The following CSMD1 variants were observed in gnomAD, a reference collection of about 807,000 sequenced individuals.
CSMD1 encodes the protein CUB and sushi domain-containing protein 1.
A neutral mutation model predicts 417.5 loss-of-function variants in CSMD1; 213 were observed. The ratio of observed to expected loss-of-function variants is 0.51; its 90% CI spans 0.46 to 0.57. CSMD1 has a LOEUF of 0.57. Ranked by LOEUF, CSMD1 falls within the 20% of genes least tolerant of loss-of-function variation. The pLI, the probability that CSMD1 is intolerant of heterozygous loss-of-function variation, is 0.00. For missense variants in CSMD1, 6,923 were observed against 4,529.7 expected, an observed-to-expected ratio of 1.53 and a Z score of -15.17; for synonymous variants, 2,862 against 1,736.8, an observed-to-expected ratio of 1.65 and a Z score of -16.11.
At chr8:3,981,862 T>C (rs940987845) in intron 5 of CSMD1, among the ~76,000 whole-genome samples, 24 of 152,094 alleles carry the variant, frequency 1.6e-4, no homozygotes, top group Non-Finnish European at 3.1e-4. Context: ...CAGGGAGTAA[T>C]GCAGCTTTAT....
intron 59 of CSMD1, among the ~76,000 whole-genome samples, chr8:2,963,716 G>C (rs1476143612): frequency 6.6e-6 from 1 of 152,124 alleles, no homozygotes; most frequent in Non-Finnish European, 1.5e-5. Flanking sequence ...TTTTATGATG[G>C]TTACCAAAGA....
chr8:4,778,798 G>C (rs973256558), intron 1 of CSMD1, among the ~76,000 whole-genome samples: 17 of 152,114 alleles, frequency 1.1e-4, no homozygotes, highest in African/African-American at 3.9e-4. Flanking sequence ...ACTTCATTAG[G>C]GCTGCTTAGA....
intron 2 of CSMD1, among the ~76,000 whole-genome samples, chr8:4,446,562 T>C (rs1197107996): frequency 6.6e-6 from 1 of 152,062 alleles, no homozygotes; most frequent in Non-Finnish European, 1.5e-5. Context: ...TGTTTTGTTT[T>C]GTTGTGGGGA....
In CSMD1 at chr8:4,342,933, C is replaced by A. The variant is rs374372040; in HGVS notation, c.415+77020G>T. On this transcript the variant is annotated intron_variant, in intron 3 of 69. Coordinates refer to ENST00000635120, the MANE Select transcript of CSMD1 (RefSeq NM_033225.6). Reference sequence around the variant, plus strand: ...AGAGAATTCCAAGATATGCTGCACACTGATCTGTAAGTTTCAGACTCTGAC... The same window carrying A: ...AGAGAATTCCAAGATATGCTGCACAATGATCTGTAAGTTTCAGACTCTGAC... Among the ~76,000 whole-genome samples the A allele has an allele frequency of 2.0e-5, 3 of 152,190 alleles. No individual in the cohort carries two copies. The East Asian group carries it at 5.8e-4, about 30-fold the overall frequency.
intron 33 of CSMD1, among the ~76,000 whole-genome samples, chr8:3,195,260 G>T (rs1456501615): frequency 3.3e-5 from 5 of 152,114 alleles, no homozygotes; most frequent in Non-Finnish European, 7.3e-5. Context: ...GAGAAGACAG[G>T]GCAGGGTGGG....
chr8:3,648,167 C>T (rs925448678), intron 7 of CSMD1, among the ~76,000 whole-genome samples: 3 of 152,196 alleles, frequency 2.0e-5, no homozygotes, highest in African/African-American at 7.2e-5. Flanking sequence ...ACTTCTCTAC[C>T]ATATCTTAAA....
Position 3,965,894 on chromosome 8 carries a change from G to C in CSMD1, c.818+32009C>G, listed in dbSNP as rs146000614. ...GGCCTTTTGAAGTGCTAGGACTACA[G>C]GTATGAGCCACCATGCCCGGCCAAT... On this transcript the variant is annotated intron_variant, in intron 5 of 69. Transcript: ENST00000635120. Among the ~76,000 whole-genome samples the C allele has an allele frequency of 2.6e-3, 401 of 152,242 alleles. 3 individuals are homozygous for C. The highest frequency in any genetic ancestry group is 8.7e-3 in the African/African-American group (360 of 41,540).
chr8:4,516,581 G>C (rs983480433), intron 2 of CSMD1, among the ~76,000 whole-genome samples: 16 of 152,116 alleles, frequency 1.1e-4, no homozygotes, highest in African/African-American at 3.9e-4. Context: ...CTCTGGAAGA[G>C]CTTGTGTTGT....
intron 1 of CSMD1, among the ~76,000 whole-genome samples, chr8:4,819,935 T>A (rs1269213834): frequency 1.3e-5 from 2 of 152,194 alleles, no homozygotes; most frequent in African/African-American, 4.8e-5. Flanking sequence ...ATAAGTAATT[T>A]TTGAAATATC....
intron 1 of CSMD1, among the ~76,000 whole-genome samples, chr8:4,775,530 C>T (rs17071280): frequency 6.6e-6 from 1 of 151,986 alleles, no homozygotes; most frequent in Non-Finnish European, 1.5e-5. Context: ...GGGTTCCTAT[C>T]AGAAGGACCA....
chr8:4,286,329 C>G (rs1797053767), intron 3 of CSMD1, among the ~76,000 whole-genome samples: 1 of 152,060 alleles, frequency 6.6e-6, no homozygotes, highest in Non-Finnish European at 1.5e-5. Context: ...TTGGAACATT[C>G]TTTTATTTTT....
chr8:4,339,484 C>A (rs980811960), intron 3 of CSMD1, among the ~76,000 whole-genome samples: 1 of 152,056 alleles, frequency 6.6e-6, no homozygotes, highest in East Asian at 1.9e-4. Flanking sequence ...GATACTGGAG[C>A]TGAGTGACAA....
Position 4,471,419 on chromosome 8 carries a change from C to T in CSMD1, c.303-51354G>A, listed in dbSNP as rs544041726. Among the ~76,000 whole-genome samples the T allele has an allele frequency of 1.8e-3, 278 of 152,120 alleles. 2 individuals carry two copies. Among genetic ancestry groups the T allele is most frequent in the Middle Eastern group, 6.8e-3 (2 of 294 alleles). On this transcript the variant is annotated intron_variant, in intron 2 of 69. Coordinates refer to ENST00000635120, the MANE Select transcript of CSMD1 (RefSeq NM_033225.6). Reference sequence around the variant, plus strand: ...CAAGGTTCCTATACAGGTAGATTACCCAAGTGCAGCACGTAGCTGTCAGCA... The same window carrying T: ...CAAGGTTCCTATACAGGTAGATTACTCAAGTGCAGCACGTAGCTGTCAGCA...
chr8:4,217,432 A>G (rs528349101), intron 3 of CSMD1, among the ~76,000 whole-genome samples: 2 of 152,168 alleles, frequency 1.3e-5, no homozygotes, highest in East Asian at 1.9e-4. Context: ...TAATGGTGAT[A>G]TAAGACACGT....
intron 37 of CSMD1, among the ~76,000 whole-genome samples, chr8:3,178,721 G>T (rs1821097900): frequency 6.6e-6 from 1 of 152,050 alleles, no homozygotes; most frequent in Non-Finnish European, 1.5e-5. Context: ...CTGGCATAGA[G>T]TAAGCGTCTA....
At chr8:3,283,634 A>G (rs1157754405) in intron 26 of CSMD1, among the ~76,000 whole-genome samples, 3 of 152,288 alleles carry the variant, frequency 2.0e-5, no homozygotes, top group South Asian at 4.1e-4. Context: ...AGCAGGGCAT[A>G]GAATAATTCT....
chr8:3,452,706 T>G (rs10087714), intron 12 of CSMD1, among the ~76,000 whole-genome samples: 109,444 of 152,000 alleles, frequency 0.72, 39,814 homozygotes, highest in African/African-American at 0.84. Context: ...ATGTGCTTCT[T>G]GATTTGGTGT....
At chr8:4,835,136 G>C (rs928374186) in intron 1 of CSMD1, among the ~76,000 whole-genome samples, 4 of 151,884 alleles carry the variant, frequency 2.6e-5, no homozygotes, top group Admixed American at 6.6e-5. Context: ...GGCAACTCTA[G>C]ACCCAGTGAG....
intron 3 of CSMD1, among the ~76,000 whole-genome samples, chr8:4,332,743 T>C (rs1313299899): frequency 6.6e-6 from 1 of 151,980 alleles, no homozygotes; most frequent in Non-Finnish European, 1.5e-5. Context: ...TTACCATTCT[T>C]AGACACATAT....
Sources: gnomAD v4.1 joint callset for allele counts (sites outside exome capture counted in the v4.1 genomes callset) on GRCh38, gnomAD v4.1.1 for gene constraint, MANE v1.5 for transcripts, NCBI Gene and HGNC (gene_info 2026-07-23, HGNC 2026-07-21) for gene names.